The following TNNI3K variants were observed in gnomAD, a reference collection of about 807,000 sequenced individuals.
TNNI3K encodes serine/threonine-protein kinase TNNI3K.
A neutral mutation model predicts 114.5 loss-of-function variants in TNNI3K; 140 were observed. The ratio of observed to expected loss-of-function variants is 1.22; its 90% CI spans 1.07 to 1.41. The LOEUF is 1.41. Among genes scored for constraint, TNNI3K ranks in the 40% most tolerant of loss-of-function variants. The pLI, the probability that TNNI3K is intolerant of heterozygous loss-of-function variation, is 0.00. For synonymous variants in TNNI3K, 347 were observed against 347.5 expected, an observed-to-expected ratio of 1.00 and a Z score of 0.02; for missense variants, 1,125 against 1,007.6, an observed-to-expected ratio of 1.12 and a Z score of -1.58.
chr1:74,480,586 G>A (rs1668439927), intron 21 of TNNI3K: 1 of 717,190 alleles, frequency 1.4e-6, no homozygotes, highest in African/African-American at 1.7e-5. Context: ...ACCTGAGACT[G>A]TGGAGATTCG....
chr1:74,237,141 A>G (rs778483845), intron 2 of TNNI3K, among the ~76,000 whole-genome samples: 1 of 151,978 alleles, frequency 6.6e-6, no homozygotes, highest in Non-Finnish European at 1.5e-5. Context: ...GAAATTCGTC[A>G]ATGGATGTAA....
intron 21 of TNNI3K, chr1:74,480,981 AAG>A (rs1277453997): frequency 3.1e-5 from 22 of 700,010 alleles, no homozygotes; most frequent in Admixed American, 2.8e-4. Flanking sequence ...GTGGGGAAAA[AAG>A]CACAGACTAG....
chr1:74,298,583 A>G (rs1372521257), intron 5 of TNNI3K, among the ~76,000 whole-genome samples: 1 of 152,116 alleles, frequency 6.6e-6, no homozygotes, highest in Non-Finnish European at 1.5e-5. Context: ...TGTCCCAGGT[A>G]TCTGGTTAAA....
intron 5 of TNNI3K, among the ~76,000 whole-genome samples, chr1:74,294,228 T>A (rs1477155190): frequency 6.6e-6 from 1 of 151,990 alleles, no homozygotes; most frequent in African/African-American, 2.4e-5. Context: ...TTTCTCATAA[T>A]GTTAGAAAAC....
At chr1:74,335,076 AC>A (rs1660396930) in intron 6 of TNNI3K, among the ~76,000 whole-genome samples, 1 of 152,224 alleles carries the variant, frequency 6.6e-6, no homozygotes, top group Non-Finnish European at 1.5e-5. Context: ...CAGTTCACCA[AC>A]AAAAATAAAA....
chr1:74,252,910 T>G (rs1655029565), intron 4 of TNNI3K, among the ~76,000 whole-genome samples: 1 of 152,210 alleles, frequency 6.6e-6, no homozygotes, highest in Non-Finnish European at 1.5e-5. Context: ...TGCCACTGCT[T>G]GTTCAGGCAG....
chr1:74,236,161 G>T lies in TNNI3K; in HGVS notation c.100G>T (p.Asp34Tyr). 1.9e-6 allele frequency: 3 copies of T among 1,608,266 alleles called. No individual in the cohort carries two copies. In the South Asian group the frequency reaches 3.3e-5, roughly 18 times the overall value. ...YVITIERLEDDLQIKEKELTE... is the reference protein window; with the variant it reads ...YVITIERLEDYLQIKEKELTE... ...TATCACAATAGAAAGATTAGAAGATGACCTGCAGATCAAGGAAAAAGAACT... is the reference window on the plus strand; with the variant it reads ...TATCACAATAGAAAGATTAGAAGATTACCTGCAGATCAAGGAAAAAGAACT... The change falls in exon 2 of 25, where the codon GAC becomes TAC. Residue 34 changes from aspartate to tyrosine, a missense_variant. Asp to Tyr is a radical substitution (Grantham distance 160, BLOSUM62 -3). Transcript: ENST00000326637.
chr1:74,526,301 A>G (rs1346675055), intron 23 of TNNI3K, among the ~76,000 whole-genome samples: 1 of 152,186 alleles, frequency 6.6e-6, no homozygotes, highest in Admixed American at 6.5e-5. Flanking sequence ...GGGGAAAAGA[A>G]TATGTATTGC....
intron 20 of TNNI3K, among the ~76,000 whole-genome samples, chr1:74,451,922 A>G (rs1053032344): frequency 6.6e-6 from 1 of 151,760 alleles, no homozygotes; most frequent in Non-Finnish European, 1.5e-5. Context: ...AACTTCTGAA[A>G]TTGTTTTTGA....
intron 5 of TNNI3K, among the ~76,000 whole-genome samples, chr1:74,272,700 A>G (rs1557465692): frequency 1.3e-5 from 2 of 151,970 alleles, no homozygotes; most frequent in Non-Finnish European, 2.9e-5. Flanking sequence ...TTAAATTTAA[A>G]GTATTAATTT....
At chr1:74,494,798 T>A (rs1291400518) in intron 23 of TNNI3K, among the ~76,000 whole-genome samples, 1 of 152,174 alleles carries the variant, frequency 6.6e-6, no homozygotes, top group Non-Finnish European at 1.5e-5. Context: ...CTTAGAGTTG[T>A]TTTAAGGAGA....
At chr1:74,443,843 G>A (rs545096883) in intron 20 of TNNI3K, among the ~76,000 whole-genome samples, 37 of 152,296 alleles carry the variant, frequency 2.4e-4, no homozygotes, top group African/African-American at 8.4e-4. Flanking sequence ...CACGATGTAA[G>A]GCTGGTTCAG....
chr1:74,405,507 T>C (rs1227519887), intron 17 of TNNI3K, among the ~76,000 whole-genome samples: 1 of 152,108 alleles, frequency 6.6e-6, no homozygotes, highest in African/African-American at 2.4e-5. Flanking sequence ...TAAACCAAAG[T>C]AGTGAAAACT....
chr1:74,279,952 G>T (rs1008713194), intron 5 of TNNI3K, among the ~76,000 whole-genome samples: 1 of 152,164 alleles, frequency 6.6e-6, no homozygotes, highest in African/African-American at 2.4e-5. Flanking sequence ...CAAAATAGCT[G>T]AAATGAACTC....
chr1:74,438,544 G>A (rs1666236333), intron 19 of TNNI3K, among the ~76,000 whole-genome samples: 1 of 152,002 alleles, frequency 6.6e-6, no homozygotes, highest in African/African-American at 2.4e-5. Flanking sequence ...TGGCTCCTCT[G>A]TTTTGTCCTT....
intron 4 of TNNI3K, among the ~76,000 whole-genome samples, chr1:74,253,548 G>C (rs1030614950): frequency 2.0e-5 from 3 of 152,160 alleles, no homozygotes; most frequent in African/African-American, 7.2e-5. Flanking sequence ...CGGCACTGCT[G>C]GGGGACCCGG....
chr1:74,357,799 A>G (rs968615380), intron 11 of TNNI3K, among the ~76,000 whole-genome samples: 9 of 152,046 alleles, frequency 5.9e-5, no homozygotes, highest in African/African-American at 2.2e-4. Flanking sequence ...CGTTTCTACT[A>G]TTCCAATCTG....
At chr1:74,486,553 T>G (rs1668779285) in intron 21 of TNNI3K, among the ~76,000 whole-genome samples, 1 of 151,306 alleles carries the variant, frequency 6.6e-6, no homozygotes, top group South Asian at 2.1e-4. Context: ...AGTTTCCATT[T>G]ACTGAAATGG....
Position 74,463,554 on chromosome 1 carries a change from A to G in TNNI3K, c.2121+4A>G. On this transcript the variant is annotated splice_donor_region_variant and intron_variant, in intron 21 of 24. Transcript: ENST00000326637. ...AGGGTGGAACGCATGTCCTGAAGTG[A>G]GTAATTTTTATTTCCTCTTAGAAAA... 6.2e-7 allele frequency: 1 copy of G among 1,613,936 alleles called. No homozygotes were observed. Among genetic ancestry groups the G allele is most frequent in the Non-Finnish European group, 8.5e-7 (1 of 1,179,878 alleles).
Sources: gnomAD v4.1 joint callset for allele counts (sites outside exome capture counted in the v4.1 genomes callset) on GRCh38, gnomAD v4.1.1 for gene constraint, MANE v1.5 for transcripts, NCBI Gene and HGNC (gene_info 2026-07-23, HGNC 2026-07-21) for gene names.